TRDN: variants seen among roughly 807,000 people sequenced by gnomAD.
TRDN encodes triadin.
A neutral mutation model predicts 149.7 loss-of-function variants in TRDN; 161 were observed. The observed-to-expected ratio is 1.08, with a 90% CI of 0.95 to 1.23. TRDN has a LOEUF of 1.23. Among genes scored for constraint, TRDN ranks in the 50% most tolerant of loss-of-function variants. The pLI, the probability that TRDN is intolerant of heterozygous loss-of-function variation, is 0.00. For synonymous variants in TRDN, 294 were observed against 250.5 expected, an observed-to-expected ratio of 1.17 and a Z score of -1.64; for missense variants, 896 against 823.5, an observed-to-expected ratio of 1.09 and a Z score of -1.08.
chr6:123,245,276 C>A (rs113105891), intron 38 of TRDN, among the ~76,000 whole-genome samples: 5,822 of 152,024 alleles, frequency 0.038, 367 homozygotes, highest in African/African-American at 0.13. Flanking sequence ...GGGCTAAATG[C>A]CCCAATTAAA....
Position 123,512,334 on chromosome 6 carries a change from T to C in TRDN, c.579A>G (p.Lys193=), listed in dbSNP as rs748184125. 10 of 1,503,660 alleles carry C rather than the reference T, an allele frequency of 6.7e-6. No individual in the cohort carries two copies. The highest frequency in any genetic ancestry group is 2.7e-5 in the African/African-American group (2 of 72,838). The allele number at this position is 1,503,660 out of a possible 1,614,324, so 93.1% of individuals were successfully genotyped here. Residue 193 remains lysine, a synonymous_variant, in exon 7 of 41, where the codon AAA becomes AAG. Coordinates refer to ENST00000334268, the MANE Select transcript of TRDN (RefSeq NM_006073.4). ...KATHKEKIEK[K]EKPETKTLAK... Reference sequence around the variant, plus strand: ...CCAGTGTCTTTGTTTCTGGTTTTTCTTTTTTCTCAATTTTTTCCTTGTGAG... The same window carrying C: ...CCAGTGTCTTTGTTTCTGGTTTTTCCTTTTTCTCAATTTTTTCCTTGTGAG...
chr6:123,541,899 C>T (rs553679103), intron 4 of TRDN, among the ~76,000 whole-genome samples: 1 of 152,268 alleles, frequency 6.6e-6, no homozygotes, highest in East Asian at 1.9e-4. Context: ...ATACGTCTAT[C>T]CATCTTACTC....
chr6:123,554,693 A>C (rs115008833), intron 2 of TRDN, among the ~76,000 whole-genome samples: 1 of 152,310 alleles, frequency 6.6e-6, no homozygotes, highest in African/African-American at 2.4e-5. Context: ...GTGTTTCCTC[A>C]TTCCCATCCC....
intron 32 of TRDN, among the ~76,000 whole-genome samples, chr6:123,267,062 G>C (rs564153984): frequency 2.6e-5 from 3 of 115,936 alleles, no homozygotes; most frequent in Non-Finnish European, 4.8e-5. Context: ...AGCTGAGATG[G>C]AGCCACTGCA....
intron 10 of TRDN, among the ~76,000 whole-genome samples, chr6:123,451,618 A>T (rs1775780773): frequency 6.6e-6 from 1 of 152,060 alleles, no homozygotes; most frequent in Non-Finnish European, 1.5e-5. Flanking sequence ...AAAAATTACC[A>T]ACAAAAAAAA....
At chr6:123,461,506 T>C (rs746707129) in intron 10 of TRDN, among the ~76,000 whole-genome samples, 1 of 152,060 alleles carries the variant, frequency 6.6e-6, no homozygotes, top group Admixed American at 6.6e-5. Flanking sequence ...AACAGAGGAG[T>C]CCTGGTAATT....
intron 8 of TRDN, among the ~76,000 whole-genome samples, chr6:123,501,119 A>G (rs984215888): frequency 2.0e-5 from 3 of 151,844 alleles, no homozygotes; most frequent in Non-Finnish European, 4.4e-5. Context: ...ATACATATGC[A>G]TCTTATCCCT....
intron 5 of TRDN, chr6:123,528,928 A>G: frequency 1.8e-6 from 2 of 1,142,584 alleles, no homozygotes; most frequent in Non-Finnish European, 2.2e-6. Flanking sequence ...CAAGAAATAT[A>G]TTCAGGTTGA....
At chr6:123,400,473 A>G (rs1271539654) in intron 12 of TRDN, among the ~76,000 whole-genome samples, 1 of 151,916 alleles carries the variant, frequency 6.6e-6, no homozygotes, top group East Asian at 1.9e-4. Context: ...GGAGCACACA[A>G]CCTAGATCCC....
chr6:123,614,974 G>T (rs1243810027), intron 1 of TRDN, among the ~76,000 whole-genome samples: 1 of 152,066 alleles, frequency 6.6e-6, no homozygotes, highest in Non-Finnish European at 1.5e-5. Context: ...CAAATAGTGT[G>T]ATTAAAAACC....
intron 32 of TRDN, among the ~76,000 whole-genome samples, chr6:123,266,792 A>G (rs1424978818): frequency 7.6e-6 from 1 of 132,132 alleles, no homozygotes; most frequent in Non-Finnish European, 1.5e-5. Flanking sequence ...TATATGTTAT[A>G]TATTATAATA....
intron 8 of TRDN, among the ~76,000 whole-genome samples, chr6:123,501,239 A>G (rs938558318): frequency 2.0e-5 from 3 of 152,098 alleles, no homozygotes; most frequent in African/African-American, 7.2e-5. Context: ...ACTAATAAAT[A>G]TGTGTCCCAT....
intron 9 of TRDN, among the ~76,000 whole-genome samples, chr6:123,477,579 T>C (rs1287166779): frequency 2.0e-5 from 3 of 150,820 alleles, no homozygotes; most frequent in African/African-American, 7.3e-5. Flanking sequence ...CAAAGGACTA[T>C]AAATCATGCT....
intron 12 of TRDN, among the ~76,000 whole-genome samples, chr6:123,417,367 G>A (rs115814771): frequency 8.5e-5 from 13 of 152,192 alleles, no homozygotes; most frequent in African/African-American, 3.1e-4. Flanking sequence ...TTTACTTTCA[G>A]CTAACTGAGA....
intron 12 of TRDN, among the ~76,000 whole-genome samples, chr6:123,403,631 T>G (rs985331945): frequency 6.6e-6 from 1 of 152,124 alleles, no homozygotes. Context: ...AAGTACATCT[T>G]AGTCTGGAAA....
At chr6:123,567,465 A>G (rs1782350262) in intron 2 of TRDN, among the ~76,000 whole-genome samples, 1 of 152,168 alleles carries the variant, frequency 6.6e-6, no homozygotes, top group South Asian at 2.1e-4. Flanking sequence ...TATAAAGAAA[A>G]GAAGTTCATT....
chr6:123,303,504 A>T (rs1306973550), intron 24 of TRDN, among the ~76,000 whole-genome samples: 1 of 152,186 alleles, frequency 6.6e-6, no homozygotes, highest in Non-Finnish European at 1.5e-5. Context: ...CAAACAGACC[A>T]AGGATAAAGA....
intron 36 of TRDN, 113 bp downstream of exon 36, chr6:123,255,754 C>T: frequency 1.9e-6 from 1 of 538,420 alleles, no homozygotes; most frequent in Non-Finnish European, 3.0e-6. Flanking sequence ...CAGGCTAACA[C>T]TCATCACATA....
intron 12 of TRDN, among the ~76,000 whole-genome samples, chr6:123,424,966 G>T (rs1490649922): frequency 1.3e-5 from 2 of 152,024 alleles, no homozygotes; most frequent in South Asian, 2.1e-4. Context: ...ATTTTCAGGG[G>T]TTTTCATATT....
Sources: allele counts gnomAD v4.1 joint callset (sites outside exome capture counted in the v4.1 genomes callset), GRCh38; gene constraint gnomAD v4.1.1; transcripts MANE v1.5; gene names NCBI Gene and HGNC (gene_info 2026-07-23, HGNC 2026-07-21).